The following ZRANB3 variants were observed in gnomAD, a reference collection of about 807,000 sequenced individuals.
The protein encoded by ZRANB3 is zinc finger RANBP2-type containing 3.
ZRANB3 carries 125 observed loss-of-function variants against 133.8 expected under a neutral mutation model. That is an observed-to-expected ratio of 0.93 (90% CI 0.81 to 1.08). The LOEUF (loss-of-function observed/expected upper bound fraction) is 1.08. Among genes scored for constraint, ZRANB3 ranks in the 50% least tolerant of loss-of-function variants. The pLI, the probability that ZRANB3 is intolerant of heterozygous loss-of-function variation, is 0.00. For missense variants in ZRANB3, 1,229 were observed against 1,275.5 expected, an observed-to-expected ratio of 0.96 and a Z score of 0.56; for synonymous variants, 387 against 432.7, an observed-to-expected ratio of 0.89 and a Z score of 1.31.
chr2:135,316,294 A>G (rs576045721), intron 6 of ZRANB3, among the ~76,000 whole-genome samples: 1 of 152,346 alleles, frequency 6.6e-6, no homozygotes, highest in South Asian at 2.1e-4. Context: ...AGCACCAAGT[A>G]CTGTGAACAA....
Position 135,224,416 on chromosome 2 carries a change from T to C in ZRANB3, c.2250+10A>G, listed in dbSNP as rs139874938. ...TATGTTTCAAGTTACAGAATCTGCA[T>C]GACGCTTACCTTAGTATAGATGTGA... On this transcript the variant is annotated intron_variant, in intron 15 of 20. Transcript: ENST00000264159. The C allele has an allele frequency of 1.0e-4, 159 of 1,582,666 alleles. No homozygotes were observed. The highest frequency in any genetic ancestry group is 1.4e-4 in the Non-Finnish European group (158 of 1,162,106).
intron 8 of ZRANB3, among the ~76,000 whole-genome samples, chr2:135,313,139 T>C (rs1683082560): frequency 6.6e-6 from 1 of 151,638 alleles, no homozygotes; most frequent in African/African-American, 2.4e-5. Flanking sequence ...GATAAATATA[T>C]GGTTGGATAC....
At chr2:135,367,534 G>C (rs1049769455) in intron 3 of ZRANB3, among the ~76,000 whole-genome samples, 2 of 152,042 alleles carry the variant, frequency 1.3e-5, no homozygotes, top group Non-Finnish European at 2.9e-5. Flanking sequence ...ATGAACAAGA[G>C]AGAGAAAACC....
At chr2:135,239,339 A>C (rs1368494201) in intron 12 of ZRANB3, among the ~76,000 whole-genome samples, 1 of 152,074 alleles carries the variant, frequency 6.6e-6, no homozygotes. Flanking sequence ...TGCACAACAC[A>C]CTGTGAATGT....
At chr2:135,374,082 G>A (rs1184480175) in intron 3 of ZRANB3, among the ~76,000 whole-genome samples, 2 of 152,228 alleles carry the variant, frequency 1.3e-5, no homozygotes, top group Admixed American at 6.5e-5. Context: ...TTCTGCCAGA[G>A]AATAGCAGAA....
intron 3 of ZRANB3, chr2:135,355,308 G>A (rs1031193141): frequency 1.0e-5 from 10 of 979,420 alleles, no homozygotes; most frequent in Admixed American, 6.2e-5. Context: ...AACATCACTG[G>A]ATTCTGGGAA....
chr2:135,264,305 T>A (rs1366474138), intron 12 of ZRANB3, among the ~76,000 whole-genome samples: 1 of 151,478 alleles, frequency 6.6e-6, no homozygotes, highest in African/African-American at 2.4e-5. Context: ...ACCCTGTCTC[T>A]ACTAAAAATA....
chr2:135,455,829 G>A (rs978615228), intron 2 of ZRANB3, among the ~76,000 whole-genome samples: 5 of 147,898 alleles, frequency 3.4e-5, no homozygotes, highest in Admixed American at 1.4e-4. Flanking sequence ...CTCCTGACCT[G>A]GTGATCCACC....
At chr2:135,488,101 G>A (rs950286933) in intron 2 of ZRANB3, among the ~76,000 whole-genome samples, 2 of 152,090 alleles carry the variant, frequency 1.3e-5, no homozygotes, top group African/African-American at 4.8e-5. Context: ...ATATTGTTTT[G>A]TCTTAGGGAA....
intron 2 of ZRANB3, among the ~76,000 whole-genome samples, chr2:135,502,441 ATT>A (rs1692991066): frequency 6.6e-6 from 1 of 152,224 alleles, no homozygotes; most frequent in Non-Finnish European, 1.5e-5. Flanking sequence ...GGGAAAAGGC[ATT>A]TTATTTCACC....
chr2:135,378,313 C>T (rs933297365), intron 3 of ZRANB3, among the ~76,000 whole-genome samples: 1 of 152,000 alleles, frequency 6.6e-6, no homozygotes, highest in Non-Finnish European at 1.5e-5. Context: ...ACCAACATGG[C>T]GAAAGCCGGT....
At chr2:135,268,205 G>C (rs1680338375) in intron 11 of ZRANB3, among the ~76,000 whole-genome samples, 1 of 151,698 alleles carries the variant, frequency 6.6e-6, no homozygotes, top group Non-Finnish European at 1.5e-5. Flanking sequence ...ACCCAGGCTG[G>C]AGTGCAATTG....
At chr2:135,306,284 A>ATTT (rs146132259) in intron 8 of ZRANB3, among the ~76,000 whole-genome samples, 10 of 123,942 alleles carry the variant, frequency 8.1e-5, no homozygotes, top group East Asian at 2.3e-4. Flanking sequence ...CATCTGACTG[A>ATTT]TTTTTTTTTT....
chr2:135,414,319 A>G (rs967294797), intron 2 of ZRANB3, among the ~76,000 whole-genome samples: 3 of 152,176 alleles, frequency 2.0e-5, no homozygotes, highest in African/African-American at 7.2e-5. Context: ...CTCGGATAAA[A>G]CAGACTTTAA....
In ZRANB3 at chr2:135,360,676, G is replaced by A. The variant is rs892990279; in HGVS notation, c.181-7048C>T. 9.2e-5 allele frequency among the ~76,000 whole-genome samples: 14 copies of A among 152,322 alleles called. No individual in the cohort carries two copies. The East Asian group carries it at 2.3e-3, about 25-fold the overall frequency. ...GCGGAGATTGTGCCACTGCACTCCTGCCTGGGTGACACAGTGAGACTCCGT... is the reference window on the plus strand; with the variant it reads ...GCGGAGATTGTGCCACTGCACTCCTACCTGGGTGACACAGTGAGACTCCGT... On this transcript the variant is annotated intron_variant, in intron 3 of 20. Transcript: ENST00000264159.
At chr2:135,421,846 C>G (rs1390707421) in intron 2 of ZRANB3, among the ~76,000 whole-genome samples, 1 of 143,042 alleles carries the variant, frequency 7.0e-6, no homozygotes, top group African/African-American at 2.6e-5. Flanking sequence ...CCTTTGGCTT[C>G]TTGTTCTCCT....
chr2:135,466,965 T>C (rs1691028149), intron 2 of ZRANB3, among the ~76,000 whole-genome samples: 1 of 152,152 alleles, frequency 6.6e-6, no homozygotes, highest in Admixed American at 6.5e-5. Context: ...GGCTTTATGA[T>C]TTGTGATCTG....
intron 2 of ZRANB3, among the ~76,000 whole-genome samples, chr2:135,431,838 C>A (rs72986412): frequency 0.069 from 10,517 of 152,134 alleles, 757 homozygotes; most frequent in African/African-American, 0.19. Context: ...GTCACTAGAA[C>A]CTCATGTATT....
intron 1 of ZRANB3, among the ~76,000 whole-genome samples, chr2:135,529,821 C>G (rs955440948): frequency 5.9e-5 from 9 of 151,670 alleles, no homozygotes; most frequent in African/African-American, 1.9e-4. Flanking sequence ...GTCTGCCACT[C>G]GTTTAATAAA....
Sources: allele counts gnomAD v4.1 joint callset (sites outside exome capture counted in the v4.1 genomes callset), GRCh38; gene constraint gnomAD v4.1.1; transcripts MANE v1.5; gene names NCBI Gene and HGNC (gene_info 2026-07-23, HGNC 2026-07-21).